Variants in HDAC9 observed in about 807,000 individuals in gnomAD.
HDAC9 encodes the protein histone deacetylase 9, also known as MEF-2 interacting transcription repressor (MITR) protein.
In HDAC9, 41 loss-of-function variants were observed where a neutral mutation model predicts 139.4. The observed-to-expected ratio is 0.29, with a 90% CI of 0.23 to 0.38. The LOEUF (loss-of-function observed/expected upper bound fraction) is 0.38, where lower values mean the gene tolerates loss of function less well. Among genes scored for constraint, HDAC9 ranks in the 10% least tolerant of loss-of-function variants. The pLI is 1.00. For synonymous variants in HDAC9, 517 were observed against 476.2 expected (o/e 1.09, Z -1.12); for missense variants, 1,147 against 1,297.0 (o/e 0.88, Z 1.78).
intron 1 of HDAC9, among the ~76,000 whole-genome samples, chr7:18,321,946 T>A (rs997812426): frequency 6.6e-6 from 1 of 152,196 alleles, no homozygotes; most frequent in East Asian, 1.9e-4. Flanking sequence ...TAGAGAGATA[T>A]TTAACATTTC....
At chr7:18,940,639 A>G (rs1232222230) in intron 23 of HDAC9, among the ~76,000 whole-genome samples, 1 of 152,162 alleles carries the variant, frequency 6.6e-6, no homozygotes, top group Admixed American at 6.5e-5. Context: ...TAGTTTTTAG[A>G]ATTCATAATA....
In HDAC9 at chr7:18,732,701, GTA is replaced by G. The variant is rs749850299; in HGVS notation, c.1909+4946_1909+4947del. 7.6e-5 allele frequency among the ~76,000 whole-genome samples: 6 copies of G among 78,668 alleles called. 2 individuals are homozygous for G. Among genetic ancestry groups the G allele is most frequent in the Non-Finnish European group, 1.3e-4 (5 of 39,788 alleles). The allele number at this position is 78,668 out of a possible 152,430, so 51.6% of individuals were successfully genotyped here. ...TGCGTATGTGTACACACACACACGT[GTA>G]TGTGTGCGTATGTGTACACACACAC... On this transcript the variant is annotated intron_variant, in intron 13 of 25. Transcript: ENST00000686413.
chr7:18,717,306 T>G (rs1314500427), intron 12 of HDAC9, among the ~76,000 whole-genome samples: 1 of 152,192 alleles, frequency 6.6e-6, no homozygotes, highest in Non-Finnish European at 1.5e-5. Context: ...AGCAATGCTA[T>G]CCATAGCTAG....
At chr7:18,965,665 A>G (rs1040084427) in intron 24 of HDAC9, among the ~76,000 whole-genome samples, 8 of 152,246 alleles carry the variant, frequency 5.3e-5, no homozygotes, top group Admixed American at 1.3e-4. Context: ...TGTAAAACAC[A>G]TAGCTCAGAG....
chr7:18,655,284 T>C (rs1431846179), intron 11 of HDAC9, among the ~76,000 whole-genome samples: 1 of 152,132 alleles, frequency 6.6e-6, no homozygotes, highest in African/African-American at 2.4e-5. Context: ...ATTTTGCCCA[T>C]TACATGGATA....
intron 1 of HDAC9, among the ~76,000 whole-genome samples, chr7:18,093,099 A>G (rs1455547058): frequency 6.6e-6 from 1 of 152,154 alleles, no homozygotes; most frequent in Non-Finnish European, 1.5e-5. Context: ...GTTGGGGACT[A>G]TTGAACACAC....
intron 1 of HDAC9, among the ~76,000 whole-genome samples, chr7:18,450,361 A>T (rs1025010018): frequency 6.6e-6 from 1 of 152,210 alleles, no homozygotes; most frequent in African/African-American, 2.4e-5. Flanking sequence ...TGTTTTAAAG[A>T]TAGATGATAA....
intron 9 of HDAC9, among the ~76,000 whole-genome samples, chr7:18,647,027 T>G (rs559307212): frequency 1.3e-5 from 2 of 152,262 alleles, no homozygotes; most frequent in South Asian, 4.1e-4. Context: ...TTTAAAAAAT[T>G]AAACATTGGA....
In HDAC9 at chr7:18,272,333, T is replaced by C. The variant is rs575811868; in HGVS notation, c.25+109984T>C. Among the ~76,000 whole-genome samples, 47 of 152,288 alleles carry C rather than the reference T, an allele frequency of 3.1e-4. 1 individual carries two copies. In the South Asian group the frequency reaches 8.9e-3, roughly 29 times the overall value. ...TTAACTCTTTCTTGACGGGGGCATA[T>C]TTAAGATTTTTTAAAAAATACATAT... On this transcript the variant is annotated intron_variant, in intron 2 of 12. Transcript: ENST00000417496.
chr7:18,842,839 C>G (rs1217426703), intron 21 of HDAC9, among the ~76,000 whole-genome samples: 2 of 151,996 alleles, frequency 1.3e-5, no homozygotes, highest in Non-Finnish European at 2.9e-5. Flanking sequence ...AACTTGCAAA[C>G]TTGATTTTTG....
At chr7:18,941,771 G>A (rs1462340602) in intron 23 of HDAC9, among the ~76,000 whole-genome samples, 4 of 152,136 alleles carry the variant, frequency 2.6e-5, no homozygotes, top group African/African-American at 9.6e-5. Flanking sequence ...GAATAAAACT[G>A]TTTGGGGAAA....
intron 1 of HDAC9, among the ~76,000 whole-genome samples, chr7:18,291,754 T>A (rs1014576999): frequency 1.3e-5 from 2 of 152,142 alleles, no homozygotes; most frequent in African/African-American, 4.8e-5. Context: ...CTGAATTAAT[T>A]CTCTCTACAA....
intron 17 of HDAC9, among the ~76,000 whole-genome samples, chr7:18,804,859 A>G (rs990835606): frequency 3.3e-5 from 5 of 152,062 alleles, no homozygotes; most frequent in African/African-American, 7.2e-5. Flanking sequence ...CAGGGGCGTA[A>G]TCTCTGCTCA....
At chr7:18,931,893 T>C (rs1804776006) in intron 22 of HDAC9, among the ~76,000 whole-genome samples, 1 of 152,156 alleles carries the variant, frequency 6.6e-6, no homozygotes, top group African/African-American at 2.4e-5. Context: ...GGGCAGTCAT[T>C]GATTCTGTCT....
chr7:18,732,929 G>T lies in HDAC9; in HGVS notation c.1909+5172G>T, dbSNP rs1198088500. On this transcript the variant is annotated intron_variant, in intron 13 of 25. Coordinates refer to ENST00000686413, the MANE Select transcript of HDAC9 (RefSeq NM_178425.4). ...TGTGCGTATGTGTATACACACGTGT[G>T]TATGTATGTGTATACACACGTGTAT... 3.3e-5 allele frequency among the ~76,000 whole-genome samples: 3 copies of T among 92,118 alleles called. 1 individual carries two copies. The highest frequency in any genetic ancestry group is 7.5e-5 in the Non-Finnish European group (3 of 40,168). The allele number at this position is 92,118 out of a possible 152,430, so 60.4% of individuals were successfully genotyped here.
chr7:18,379,824 T>C (rs1482625422), intron 1 of HDAC9, among the ~76,000 whole-genome samples: 1 of 152,212 alleles, frequency 6.6e-6, no homozygotes, highest in African/African-American at 2.4e-5. Context: ...CATGTGATTC[T>C]TAAACAGATC....
At chr7:18,624,359 G>A (rs935241169) in intron 6 of HDAC9, among the ~76,000 whole-genome samples, 1 of 151,954 alleles carries the variant, frequency 6.6e-6, no homozygotes, top group African/African-American at 2.4e-5. Context: ...AAAGGTATTG[G>A]GTCTGTTCTG....
intron 1 of HDAC9, among the ~76,000 whole-genome samples, chr7:18,155,514 A>G (rs1787122535): frequency 6.6e-6 from 1 of 152,204 alleles, no homozygotes; most frequent in Admixed American, 6.5e-5. Context: ...AGTTATATTT[A>G]TAGTATAGAC....
At chr7:18,386,551 C>T (rs916075276) in intron 1 of HDAC9, among the ~76,000 whole-genome samples, 3 of 152,244 alleles carry the variant, frequency 2.0e-5, no homozygotes, top group South Asian at 2.1e-4. Flanking sequence ...ACCCAGGTCA[C>T]GCTCGCCTTG....
Sources: gnomAD v4.1 joint callset for allele counts (sites outside exome capture counted in the v4.1 genomes callset) on GRCh38, gnomAD v4.1.1 for gene constraint, MANE v1.5 for transcripts, NCBI Gene and HGNC (gene_info 2026-07-23, HGNC 2026-07-21) for gene names.